CAPG: variants seen among roughly 807,000 people sequenced by gnomAD.
CAPG encodes the protein capping actin protein, gelsolin like.
CAPG carries 32 observed loss-of-function variants against 44.6 expected under a neutral mutation model. The ratio of observed to expected loss-of-function variants is 0.72; its 90% CI spans 0.54 to 0.96. The LOEUF (loss-of-function observed/expected upper bound fraction) is 0.96. Among genes scored for constraint, CAPG ranks in the 50% least tolerant of loss-of-function variants. The pLI is 0.00. For missense variants in CAPG, 412 were observed against 438.3 expected (o/e 0.94, Z 0.54); for synonymous variants, 175 against 179.6 (o/e 0.97, Z 0.20).
In CAPG at chr2:85,401,145, A is replaced by T. The variant is rs1351230285; in HGVS notation, c.516+20T>A. The T allele has an allele frequency of 1.2e-6, 2 of 1,611,218 alleles. No individual in the cohort carries two copies. Reference sequence around the variant, plus strand: ...AGGATGGTGCCAATACGGAGTGCTCAGTCTGGCCAGCCTACCCACCTGGCC... The same window carrying T: ...AGGATGGTGCCAATACGGAGTGCTCTGTCTGGCCAGCCTACCCACCTGGCC... On this transcript the variant is annotated intron_variant, in intron 5 of 9. Coordinates refer to ENST00000263867, the MANE Select transcript of CAPG (RefSeq NM_001747.4).
intron 8 of CAPG, 83 bp downstream of exon 8, chr2:85,397,937 G>C: frequency 7.2e-7 from 1 of 1,379,952 alleles, no homozygotes; most frequent in South Asian, 1.3e-5. Context: ...CAAGCAGCTA[G>C]ACAGGCTGAG....
chr2:85,393,404 T>C (rs1686457536), downstream of CAPG, among the ~76,000 whole-genome samples: 4 of 152,094 alleles, frequency 2.6e-5, no homozygotes. Context: ...CTTAAAATAC[T>C]CCCCGTCTCT....
intron 8 of CAPG, among the ~76,000 whole-genome samples, chr2:85,396,924 C>G (rs1270561516): frequency 6.6e-6 from 1 of 152,094 alleles, no homozygotes; most frequent in East Asian, 1.9e-4. Flanking sequence ...TTGGTTGACC[C>G]CACAACTGGG....
chr2:85,415,027 G>A (rs1687519727), upstream of CAPG, among the ~76,000 whole-genome samples: 1 of 152,214 alleles, frequency 6.6e-6, no homozygotes, highest in South Asian at 2.1e-4. Flanking sequence ...GAGTTTCTCT[G>A]AAGTCCATGG....
intron 1 of CAPG, among the ~76,000 whole-genome samples, chr2:85,417,344 T>A (rs1365044629): frequency 6.6e-6 from 1 of 152,210 alleles, no homozygotes; most frequent in East Asian, 1.9e-4. Flanking sequence ...TCAAAATCAC[T>A]TGTTCTAGGT....
At chr2:85,398,234 C>T in intron 7 of CAPG, 82 bp from the exon 8 acceptor site, 1 of 1,507,802 alleles carries the variant, frequency 6.6e-7, no homozygotes, top group Non-Finnish European at 9.0e-7. Flanking sequence ...GCTGGTCCTC[C>T]CTAGGTCCCT....
chr2:85,416,728 A>G (rs1212125398), intron 1 of CAPG, among the ~76,000 whole-genome samples: 1 of 152,104 alleles, frequency 6.6e-6, no homozygotes, highest in Non-Finnish European at 1.5e-5. Flanking sequence ...CGGCCAGGCT[A>G]GTCTCGAACT....
At chr2:85,397,472 G>A (rs1259417899) in intron 8 of CAPG, among the ~76,000 whole-genome samples, 2 of 152,210 alleles carry the variant, frequency 1.3e-5, no homozygotes, top group Non-Finnish European at 2.9e-5. Flanking sequence ...ACTTTGGGAG[G>A]CCGAGGCCGG....
At chr2:85,398,619 G>T in intron 7 of CAPG, 71 bp downstream of exon 7, 3 of 1,252,410 alleles carry the variant, frequency 2.4e-6, no homozygotes, top group Non-Finnish European at 3.4e-6. Context: ...CACCCTGCTT[G>T]CATGCAGCTG....
In CAPG at chr2:85,401,277, G is replaced by A. The variant is rs1484482363; in HGVS notation, c.404C>T (p.Ala135Val). 3 of 1,614,008 alleles carry A rather than the reference G, an allele frequency of 1.9e-6. No individual in the cohort carries two copies. The highest frequency in any genetic ancestry group is 2.5e-6 in the Non-Finnish European group (3 of 1,180,004). Reference protein sequence around the residue: ...FHKTSTGAPAAIKKLYQVKGK... With the variant: ...FHKTSTGAPAVIKKLYQVKGK... ...CTTCACCTGGTAGAGTTTCTTGATG[G>A]CAGCTGGGGCTCCTGTGGAGGTCTT... The change falls in exon 5 of 10, where the codon GCC (alanine) becomes GTC (valine). Residue 135 changes from alanine (A) to valine (V), a missense_variant. Physicochemically the swap from Ala to Val is moderately conservative, Grantham distance 64 (BLOSUM62 0). Coordinates refer to ENST00000263867, the MANE Select transcript of CAPG (RefSeq NM_001747.4).
downstream of CAPG, among the ~76,000 whole-genome samples, chr2:85,393,363 T>C (rs916844407): frequency 1.3e-5 from 2 of 152,052 alleles, no homozygotes; most frequent in African/African-American, 2.4e-5. Flanking sequence ...TGTATATTTA[T>C]AGGGAAAGGG....
At chr2:85,403,736 A>C (rs1249168011) in intron 1 of CAPG, among the ~76,000 whole-genome samples, 5 of 151,752 alleles carry the variant, frequency 3.3e-5, no homozygotes, top group African/African-American at 1.2e-4. Context: ...AAAATACAAA[A>C]ATTTGCTGGG....
Position 85,401,827 on chromosome 2 carries a change from G to A in CAPG, c.154C>T (p.His52Tyr), listed in dbSNP as rs771699453. Residue 52 changes from histidine (H) to tyrosine (Y), a missense_variant, in exon 3 of 10, where the codon CAC becomes TAC. Coordinates refer to ENST00000263867, the MANE Select transcript of CAPG (RefSeq NM_001747.4). Reference sequence around the variant, plus strand: ...TGGGAAACCTCTTCTGGGCCATTGTGCAGCACTAGGTAGGAGTCCCCCGAG... The same window carrying A: ...TGGGAAACCTCTTCTGGGCCATTGTACAGCACTAGGTAGGAGTCCCCCGAG... ...FFSGDSYLVL[H>Y]NGPEEVSHLH... 2.3e-5 allele frequency: 37 copies of A among 1,613,936 alleles called. No individual in the cohort carries two copies. Among genetic ancestry groups the A allele is most frequent in the South Asian group, 1.1e-4 (10 of 91,086 alleles).
chr2:85,417,604 TC>T (rs1280181005), intron 1 of CAPG, among the ~76,000 whole-genome samples: 1 of 148,334 alleles, frequency 6.7e-6, no homozygotes, highest in African/African-American at 2.5e-5. Flanking sequence ...TGCCTCAGCC[TC>T]CCGAGTAGCT....
upstream of CAPG, among the ~76,000 whole-genome samples, chr2:85,411,551 C>G (rs981483450): frequency 6.6e-6 from 1 of 152,164 alleles, no homozygotes; most frequent in Non-Finnish European, 1.5e-5. Context: ...AAGTGAGCAC[C>G]CAGTTATGCA....
rs138402578 is a variant in CAPG, at chr2:85,395,204, G to A, written c.982-246C>T. ...GCACAGTTTAATAAATGCCACCAACGGTAGCTGAGCCCTGTCAGCTCCCCA... is the reference window on the plus strand; with the variant it reads ...GCACAGTTTAATAAATGCCACCAACAGTAGCTGAGCCCTGTCAGCTCCCCA... On this transcript the variant is annotated intron_variant, in intron 9 of 9. Coordinates refer to ENST00000263867, the MANE Select transcript of CAPG (RefSeq NM_001747.4). This position sits in a 1 kb window ranked among gnomAD's most constrained non-coding sequence, Gnocchi z 4.3. 9.9e-5 allele frequency among the ~76,000 whole-genome samples: 15 copies of A among 152,256 alleles called. No individual in the cohort carries two copies. Among genetic ancestry groups the A allele is most frequent in the South Asian group, 8.3e-4 (4 of 4,826 alleles).
In CAPG at chr2:85,398,777, C is replaced by G; in HGVS notation, c.672G>C (p.Leu224=). Residue 224 remains leucine, a synonymous_variant, in exon 7 of 10, where the codon CTG becomes CTC. Coordinates refer to ENST00000263867, the MANE Select transcript of CAPG (RefSeq NM_001747.4). ...CCTCCTTCAGAGCAGGCTTGGGGCC[C>G]AGGACCTGCAGGGGCCAGGGCAGGC... ...GEEPAEMIQV[L]GPKPALKEGN... 6.2e-7 allele frequency: 1 copy of G among 1,600,626 alleles called. No individual in the cohort carries two copies.
intron 1 of CAPG, among the ~76,000 whole-genome samples, chr2:85,406,485 T>C (rs1351262773): frequency 6.6e-6 from 1 of 152,128 alleles, no homozygotes; most frequent in Non-Finnish European, 1.5e-5. Context: ...CTGATAATCG[T>C]GGATATCTGA....
Position 85,399,303 on chromosome 2 carries a change from A to C in CAPG, c.517-18T>G. The C allele has an allele frequency of 6.2e-7, 1 of 1,612,912 alleles. No homozygotes were observed. Among genetic ancestry groups the C allele is most frequent in the Non-Finnish European group, 8.5e-7 (1 of 1,179,502 alleles). On this transcript the variant is annotated intron_variant, in intron 5 of 9. Coordinates refer to ENST00000263867, the MANE Select transcript of CAPG (RefSeq NM_001747.4). ...AAGATGTTCTGCAAGGAAGCAGGAA[A>C]GTCCGGGTCAGAGCCAGATGCCTGT...
Sources: gnomAD v4.1 joint callset for allele counts (sites outside exome capture counted in the v4.1 genomes callset) on GRCh38, gnomAD v4.1.1 for gene constraint, Gnocchi (gnomAD v3.1) non-coding constraint, MANE v1.5 for transcripts, NCBI Gene and HGNC (gene_info 2026-07-23, HGNC 2026-07-21) for gene names.